Variants in SLC39A14 observed in about 807,000 individuals in gnomAD.
SLC39A14 encodes metal cation symporter ZIP14.
SLC39A14 carries 19 observed loss-of-function variants against 45.5 expected under a neutral mutation model. The ratio of observed to expected loss-of-function variants is 0.42; its 90% CI spans 0.29 to 0.61. SLC39A14 has a LOEUF of 0.61. Among genes scored for constraint, SLC39A14 ranks in the 20% least tolerant of loss-of-function variants. The pLI is 0.22. For synonymous variants in SLC39A14, 264 were observed against 251.3 expected (o/e 1.05, Z -0.48); for missense variants, 447 against 616.5 (o/e 0.73, Z 2.91).
intron 1 of SLC39A14, among the ~76,000 whole-genome samples, chr8:22,379,750 G>A (rs976271616): frequency 3.9e-5 from 6 of 151,968 alleles, no homozygotes; most frequent in African/African-American, 1.2e-4. Flanking sequence ...CCAACATGGT[G>A]AAACCCCGTC....
rs367623498 is a variant in SLC39A14, at chr8:22,408,405, C to T, written c.366C>T (p.Leu122=). ...TCCAGGAGTTCTGCCCCACCATCCTCCAGCAGCTGGATTCCCGGGCCTGCA... is the reference window on the plus strand; with the variant it reads ...TCCAGGAGTTCTGCCCCACCATCCTTCAGCAGCTGGATTCCCGGGCCTGCA... ...SELQEFCPTI[L]QQLDSRACTS... Residue 122 remains leucine, a synonymous_variant, in exon 3 of 9, where the codon CTC becomes CTT. Coordinates refer to ENST00000381237, the MANE Select transcript of SLC39A14 (RefSeq NM_001128431.4). The T allele has an allele frequency of 7.5e-5, 121 of 1,614,122 alleles. No homozygotes were observed. The highest frequency in any genetic ancestry group is 1.0e-4 in the Non-Finnish European group (118 of 1,180,060).
chr8:22,433,881 GT>G (rs1398450023), intron 8 of SLC39A14: 6 of 333,560 alleles, frequency 1.8e-5, no homozygotes, highest in East Asian at 1.2e-4. Flanking sequence ...TTTTGTTTTT[GT>G]TTTTTTAGAT....
In SLC39A14 at chr8:22,367,796, G is replaced by C. The variant is rs1368051535; in HGVS notation, c.-16+388G>C. 4 of 153,108 alleles carry C rather than the reference G, an allele frequency of 2.6e-5. No homozygotes were observed. Among genetic ancestry groups the C allele is most frequent in the Non-Finnish European group, 5.8e-5 (4 of 68,800 alleles). 9.5% of individuals were successfully genotyped at this position (153,108 alleles called of 1,614,324 possible). On this transcript the variant is annotated intron_variant, in intron 1 of 8. Transcript: ENST00000381237. This position sits in a 1 kb window ranked among gnomAD's most constrained non-coding sequence, Gnocchi z 4.2. ...CGGCTCTATGGGGCTCTGGGGTCTG[G>C]ACTTTGCTTTTCAGGAGCTGCGTCC...
At chr8:22,428,435 T>C (rs1427328989) in intron 8 of SLC39A14, among the ~76,000 whole-genome samples, 2 of 148,754 alleles carry the variant, frequency 1.3e-5, no homozygotes, top group East Asian at 4.1e-4. Context: ...CCTCGGTTCA[T>C]ATGTTCTTTT....
rs1222570634 is a variant in SLC39A14, at chr8:22,421,756, A to T, written c.*2058A>T. 6.1e-6 allele frequency: 6 copies of T among 983,796 alleles called. No individual in the cohort carries two copies. The highest frequency in any genetic ancestry group is 3.5e-5 in the African/African-American group (2 of 57,180). The allele number at this position is 983,796 out of a possible 1,614,324, so 60.9% of individuals were successfully genotyped here. On this transcript the variant is annotated 3_prime_UTR_variant, in exon 9 of 9. Coordinates refer to ENST00000381237, the MANE Select transcript of SLC39A14 (RefSeq NM_001128431.4). ...GATCCTATCATTCCTTAAACATAAT[A>T]CCCTTTGTCTTGGAGTAGAATACTA... is the stretch of plus-strand genomic sequence containing the variant.
At chr8:22,423,846 C>A (rs117019653), downstream of SLC39A14, among the ~76,000 whole-genome samples, 106 of 137,020 alleles carry the variant, frequency 7.7e-4, 1 homozygote, top group East Asian at 0.021. Flanking sequence ...TAACTGTTAT[C>A]TACAGATAAA....
In SLC39A14 at chr8:22,422,461, T is replaced by C. The variant is rs1836283422; in HGVS notation, c.*2763T>C. ...AAGTCCTCTTCCAAAGAGATGGCAA[T>C]ATGCTGGGCATCTACTTTAAAACAA... On this transcript the variant is annotated 3_prime_UTR_variant, in exon 9 of 9. Transcript: ENST00000381237. The C allele has an allele frequency of 2.0e-6, 2 of 985,876 alleles. No individual in the cohort carries two copies. 61.1% of individuals were successfully genotyped at this position (985,876 alleles called of 1,614,324 possible).
chr8:22,395,500 A>C (rs965529867), intron 1 of SLC39A14, among the ~76,000 whole-genome samples: 5 of 152,244 alleles, frequency 3.3e-5, no homozygotes, highest in African/African-American at 7.2e-5. Context: ...TATCCTGCTC[A>C]AGGTCATCGC....
intron 1 of SLC39A14, among the ~76,000 whole-genome samples, chr8:22,373,580 TGA>T (rs1239018699): frequency 6.6e-6 from 1 of 152,092 alleles, no homozygotes; most frequent in Non-Finnish European, 1.5e-5. Flanking sequence ...TTCTGAAAAG[TGA>T]GAGTGAAAAG....
chr8:22,397,288 C>T lies in SLC39A14; in HGVS notation c.-15-7408C>T, dbSNP rs1048724436. ...CCTTGATTTTTTTTATTCCTTAAGA[C>T]CTCCTCCTGGCCGGGCGCGGTGGCT... On this transcript the variant is annotated intron_variant, in intron 1 of 8. Transcript: ENST00000381237. Among the ~76,000 whole-genome samples the T allele has an allele frequency of 2.0e-5, 3 of 152,206 alleles. No homozygotes were observed. In the East Asian group the frequency reaches 5.8e-4, roughly 29 times the overall value.
At chr8:22,397,341 G>A (rs1563537335) in intron 1 of SLC39A14, among the ~76,000 whole-genome samples, 1 of 152,172 alleles carries the variant, frequency 6.6e-6, no homozygotes, top group East Asian at 1.9e-4. Flanking sequence ...CACTTTGGGA[G>A]GCCGAGGCGG....
chr8:22,425,143 T>C (rs1836362710), downstream of SLC39A14, among the ~76,000 whole-genome samples: 1 of 152,148 alleles, frequency 6.6e-6, no homozygotes, highest in Non-Finnish European at 1.5e-5. Context: ...TCATCAGTGA[T>C]GGTTTCGCTT....
At position 22,408,949 on chromosome 8, in the gene SLC39A14, T is replaced by G. The variant is rs536988763; in HGVS notation, c.457+453T>G. Among the ~76,000 whole-genome samples the G allele has an allele frequency of 1.3e-4, 20 of 151,814 alleles. No individual in the cohort carries two copies. In the East Asian group the frequency reaches 3.9e-3, roughly 29 times the overall value. Reference sequence around the variant, plus strand: ...GACCCTCCTGCCTCAGCCTCCTGAGTAGCTGGGACTACAGGCGTGCACCGC... The same window carrying G: ...GACCCTCCTGCCTCAGCCTCCTGAGGAGCTGGGACTACAGGCGTGCACCGC... On this transcript the variant is annotated intron_variant, in intron 3 of 8. Transcript: ENST00000381237.
chr8:22,395,015 CT>C (rs56710226), intron 1 of SLC39A14, among the ~76,000 whole-genome samples: 45,762 of 144,942 alleles, frequency 0.32, 6,961 homozygotes, highest in East Asian at 0.55. Flanking sequence ...TCTTTTCTCT[CT>C]TTTTTTTTTT....
Position 22,416,273 on chromosome 8 carries a change from T to C in SLC39A14, c.1140T>C (p.His380=). Residue 380 remains histidine (H), a synonymous_variant, in exon 7 of 9, where the codon CAT becomes CAC. Coordinates refer to ENST00000381237, the MANE Select transcript of SLC39A14 (RefSeq NM_001128431.4). The part of the protein sequence containing the change: ...SVAILCEEFP[H]ELGDFVILLN... The stretch of plus-strand genomic sequence containing the variant: ...CCATCCTCTGTGAGGAGTTCCCACA[T>C]GAGCTAGGTAAGCGTGCGTCCCCCG... 1 of 1,611,844 alleles carries C rather than the reference T, an allele frequency of 6.2e-7. No homozygotes were observed. Among genetic ancestry groups the C allele is most frequent in the South Asian group, 1.1e-5 (1 of 90,990 alleles).
At chr8:22,388,536 G>C (rs568788478) in intron 1 of SLC39A14, among the ~76,000 whole-genome samples, 1 of 152,080 alleles carries the variant, frequency 6.6e-6, no homozygotes, top group East Asian at 1.9e-4. Context: ...AGTGTTGGGA[G>C]GTTGTGCTTT....
At chr8:22,382,552 C>T (rs965259850) in intron 1 of SLC39A14, among the ~76,000 whole-genome samples, 1 of 152,060 alleles carries the variant, frequency 6.6e-6, no homozygotes, top group African/African-American at 2.4e-5. Flanking sequence ...GTGGCATGTG[C>T]CTGTAGTCCT....
rs1836191708 is a variant in SLC39A14 at position 22,420,957 on chromosome 8, A to G, written c.*1259A>G. Reference sequence around the variant, plus strand: ...TGAATTTCTCTAACTCTCTCCAGAAAATGGATGGAGATAACTTGTCTTTAA... The same window carrying G: ...TGAATTTCTCTAACTCTCTCCAGAAGATGGATGGAGATAACTTGTCTTTAA... On this transcript the variant is annotated 3_prime_UTR_variant, in exon 9 of 9. Transcript: ENST00000381237. 2.0e-6 allele frequency: 2 copies of G among 985,750 alleles called. No individual in the cohort carries two copies. The highest frequency in any genetic ancestry group is 1.2e-4 in the Admixed American group (2 of 16,258). 61.1% of individuals were successfully genotyped at this position (985,750 alleles called of 1,614,324 possible). A position where few individuals can be genotyped will look rare whatever the true frequency, so the allele number is the denominator to read the frequency against.
chr8:22,426,309 C>T (rs1301167102), downstream of SLC39A14, among the ~76,000 whole-genome samples: 2 of 152,158 alleles, frequency 1.3e-5, no homozygotes, highest in African/African-American at 4.8e-5. Flanking sequence ...GATTCTCCCA[C>T]CTCAGCTCCC....
Sources: allele counts gnomAD v4.1 joint callset (sites outside exome capture counted in the v4.1 genomes callset), GRCh38; gene constraint gnomAD v4.1.1; non-coding constraint Gnocchi (gnomAD v3.1); transcripts MANE v1.5; gene names NCBI Gene and HGNC (gene_info 2026-07-23, HGNC 2026-07-21).